SSBP2: variants seen among roughly 807,000 people sequenced by gnomAD.
SSBP2 encodes single stranded DNA binding protein 2.
SSBP2 carries 17 observed loss-of-function variants against 61.8 expected under a neutral mutation model. That is an observed-to-expected ratio of 0.28 (90% CI 0.19 to 0.41). SSBP2 has a LOEUF of 0.41. Among genes scored for constraint, SSBP2 ranks in the 10% least tolerant of loss-of-function variants. The pLI, the probability that SSBP2 is intolerant of heterozygous loss-of-function variation, is 1.00. For synonymous variants in SSBP2, 139 were observed against 141.3 expected, an observed-to-expected ratio of 0.98 and a Z score of 0.12; for missense variants, 310 against 458.7, an observed-to-expected ratio of 0.68 and a Z score of 2.96.
At chr5:81,537,182 T>C (rs540349135) in intron 4 of SSBP2, among the ~76,000 whole-genome samples, 1 of 152,310 alleles carries the variant, frequency 6.6e-6, no homozygotes, top group East Asian at 1.9e-4. Context: ...ACTTTATTGC[T>C]TAATAAAATC....
intron 1 of SSBP2, among the ~76,000 whole-genome samples, chr5:81,694,910 G>A (rs1753488191): frequency 6.6e-6 from 1 of 152,176 alleles, no homozygotes; most frequent in Admixed American, 6.5e-5. Context: ...GAAGGCAGGA[G>A]GATTGTTTGA....
intron 15 of SSBP2, among the ~76,000 whole-genome samples, chr5:81,434,633 CAAAAAAAA>C (rs34269591): frequency 7.0e-5 from 3 of 43,014 alleles, no homozygotes; most frequent in African/African-American, 2.8e-4. Context: ...ACTCTTGACT[CAAAAAAAA>C]AAAAAAAAAA....
intron 1 of SSBP2, among the ~76,000 whole-genome samples, chr5:81,656,934 T>C (rs1432519046): frequency 1.3e-5 from 2 of 152,144 alleles, no homozygotes; most frequent in African/African-American, 4.8e-5. Context: ...GTTTGTATAG[T>C]ATGCTCTCAT....
At chr5:81,749,983 C>A (rs1213155492) in intron 1 of SSBP2, among the ~76,000 whole-genome samples, 1 of 152,128 alleles carries the variant, frequency 6.6e-6, no homozygotes, top group Non-Finnish European at 1.5e-5. Context: ...CCTCCTCGGG[C>A]GCCCCCGGCG....
chr5:81,527,570 A>G (rs1206491434), intron 4 of SSBP2, among the ~76,000 whole-genome samples: 2 of 152,070 alleles, frequency 1.3e-5, no homozygotes, highest in Non-Finnish European at 2.9e-5. Flanking sequence ...TAAAACATTC[A>G]GCGAGAATAT....
At chr5:81,464,526 AC>A (rs1367589750) in intron 9 of SSBP2, among the ~76,000 whole-genome samples, 2 of 152,184 alleles carry the variant, frequency 1.3e-5, no homozygotes, top group Non-Finnish European at 2.9e-5. Flanking sequence ...TACCAAATTT[AC>A]TTCCGAATGA....
chr5:81,529,249 T>C (rs1056358372), intron 4 of SSBP2, among the ~76,000 whole-genome samples: 47 of 152,108 alleles, frequency 3.1e-4, no homozygotes, highest in Non-Finnish European at 2.6e-4. Context: ...ACTCCTTAAA[T>C]TGCATTAAGT....
chr5:81,631,818 T>C (rs1447291994), intron 3 of SSBP2, among the ~76,000 whole-genome samples: 1 of 152,188 alleles, frequency 6.6e-6, no homozygotes, highest in Non-Finnish European at 1.5e-5. Flanking sequence ...ACTAATTTTT[T>C]GAACCCTAGA....
intron 5 of SSBP2, among the ~76,000 whole-genome samples, chr5:81,508,598 C>T (rs540980924): frequency 3.5e-4 from 53 of 152,148 alleles, no homozygotes; most frequent in African/African-American, 1.2e-3. Flanking sequence ...ATTAAGTGTA[C>T]CAAGTTATAT....
intron 15 of SSBP2, among the ~76,000 whole-genome samples, chr5:81,436,341 A>T (rs963252160): frequency 6.6e-6 from 1 of 152,094 alleles, no homozygotes; most frequent in South Asian, 2.1e-4. Flanking sequence ...CACAAAGGTA[A>T]GCTAGTACTC....
intron 3 of SSBP2, among the ~76,000 whole-genome samples, chr5:81,625,447 A>G (rs903831578): frequency 2.4e-4 from 36 of 152,092 alleles, no homozygotes; most frequent in African/African-American, 8.5e-4. Flanking sequence ...TTATCCTTGA[A>G]ATGTAATGGG....
At chr5:81,439,689 T>TTC (rs1762895923) in intron 14 of SSBP2, among the ~76,000 whole-genome samples, 1 of 135,658 alleles carries the variant, frequency 7.4e-6, no homozygotes, top group Non-Finnish European at 1.5e-5. Context: ...TTTTTTTTTT[T>TTC]GAGATGCAGT....
intron 5 of SSBP2, among the ~76,000 whole-genome samples, chr5:81,498,481 T>G (rs1345064156): frequency 2.0e-5 from 3 of 152,024 alleles, no homozygotes; most frequent in Non-Finnish European, 4.4e-5. Context: ...TAAAAACTAT[T>G]CTAGAATCTA....
intron 4 of SSBP2, among the ~76,000 whole-genome samples, chr5:81,587,193 T>C (rs550821717): frequency 2.0e-5 from 3 of 152,208 alleles, no homozygotes; most frequent in Admixed American, 6.5e-5. Context: ...CAGGGTGATC[T>C]TGGAGACCCT....
At chr5:81,633,183 T>A (rs1379261235) in intron 3 of SSBP2, among the ~76,000 whole-genome samples, 3 of 137,310 alleles carry the variant, frequency 2.2e-5, no homozygotes, top group Admixed American at 8.1e-5. Context: ...TGGCATGATC[T>A]CAGCTCACTG....
chr5:81,663,042 A>G (rs533300157), intron 1 of SSBP2, among the ~76,000 whole-genome samples: 4 of 152,200 alleles, frequency 2.6e-5, no homozygotes, highest in Non-Finnish European at 5.9e-5. Flanking sequence ...GGAAAGGAGT[A>G]AAGATCTTAC....
intron 3 of SSBP2, among the ~76,000 whole-genome samples, chr5:81,617,906 A>T (rs1481593184): frequency 1.5e-5 from 2 of 136,848 alleles, no homozygotes; most frequent in African/African-American, 5.5e-5. Flanking sequence ...AAATGCTAAG[A>T]GATTTTGTCA....
At chr5:81,637,369 T>C (rs536163135) in intron 2 of SSBP2, among the ~76,000 whole-genome samples, 29 of 152,352 alleles carry the variant, frequency 1.9e-4, no homozygotes, top group South Asian at 1.9e-3. Flanking sequence ...TTTATGTAAC[T>C]TCTGTGTGCT....
intron 4 of SSBP2, among the ~76,000 whole-genome samples, chr5:81,515,932 C>G (rs962541065): frequency 1.3e-5 from 2 of 151,710 alleles, no homozygotes; most frequent in Non-Finnish European, 2.9e-5. Context: ...AATTTATTCT[C>G]TCTTCTTACA....
Sources: gnomAD v4.1 joint callset for allele counts (sites outside exome capture counted in the v4.1 genomes callset) on GRCh38, gnomAD v4.1.1 for gene constraint, MANE v1.5 for transcripts, NCBI Gene and HGNC (gene_info 2026-07-23, HGNC 2026-07-21) for gene names.